The following PTPRD variants were observed in gnomAD, a reference collection of about 807,000 sequenced individuals.
PTPRD encodes the protein protein tyrosine phosphatase receptor type D, also known as receptor-type tyrosine-protein phosphatase delta.
PTPRD carries 34 observed loss-of-function variants against 214.5 expected under a neutral mutation model. The observed-to-expected ratio is 0.16, with a 90% CI of 0.12 to 0.21. PTPRD has a LOEUF of 0.21. Ranked by LOEUF, PTPRD falls within the 10% of genes least tolerant of loss-of-function variation. The probability of loss-of-function intolerance (pLI) is 1.00; values close to 1 mark genes in which losing one functional copy is unlikely to be tolerated. For missense variants in PTPRD, 2,545 were observed against 2,398.7 expected (o/e 1.06, Z -1.27); for synonymous variants, 1,128 against 845.7 (o/e 1.33, Z -5.79).
At chr9:9,658,506 T>C (rs2096563725) in intron 7 of PTPRD, among the ~76,000 whole-genome samples, 1 of 152,110 alleles carries the variant, frequency 6.6e-6, no homozygotes, top group Non-Finnish European at 1.5e-5. Context: ...GTAGTAGGAG[T>C]TTGATAACTG....
Position 8,899,971 on chromosome 9 carries a change from A to G in PTPRD, c.-104+118726T>C, listed in dbSNP as rs143869944. On this transcript the variant is annotated intron_variant, in intron 11 of 45. Transcript: ENST00000381196. ...AAAACAAATCCAAATTATTCCAAAC[A>G]TGCTTGAACACATCTTCTTTTTGAG... Among the ~76,000 whole-genome samples, 11 of 152,320 alleles carry G rather than the reference A, an allele frequency of 7.2e-5. No homozygotes were observed. In the East Asian group the frequency reaches 2.1e-3, roughly 29 times the overall value.
At chr9:8,599,523 G>C (rs942704746) in intron 14 of PTPRD, among the ~76,000 whole-genome samples, 2 of 149,830 alleles carry the variant, frequency 1.3e-5, no homozygotes, top group Non-Finnish European at 3.0e-5. Context: ...AAAGTAGAAA[G>C]TTACAAAACA....
chr9:9,939,521 G>A (rs1025132378), intron 4 of PTPRD, among the ~76,000 whole-genome samples: 91 of 152,194 alleles, frequency 6.0e-4, no homozygotes, highest in African/African-American at 2.2e-3. Context: ...CTGCTTATCT[G>A]AATCTTCAAA....
chr9:9,974,158 T>C (rs2095263502), intron 4 of PTPRD, among the ~76,000 whole-genome samples: 1 of 152,240 alleles, frequency 6.6e-6, no homozygotes. Flanking sequence ...TTCTATTCTA[T>C]GTATCAGAGA....
At chr9:10,118,668 T>A (rs559956619) in intron 3 of PTPRD, among the ~76,000 whole-genome samples, 11 of 151,618 alleles carry the variant, frequency 7.3e-5, no homozygotes, top group African/African-American at 2.4e-4. Context: ...AAATGTAATA[T>A]AATATAAAAA....
intron 2 of PTPRD, among the ~76,000 whole-genome samples, chr9:10,410,798 A>G (rs142644602): frequency 6.6e-6 from 1 of 151,802 alleles, no homozygotes; most frequent in Non-Finnish European, 1.5e-5. Flanking sequence ...GGAAATGCCA[A>G]AACCAACTAA....
chr9:8,812,986 CT>C (rs2096842523), intron 11 of PTPRD, among the ~76,000 whole-genome samples: 1 of 152,014 alleles, frequency 6.6e-6, no homozygotes, highest in Admixed American at 6.6e-5. Flanking sequence ...TTTTACAAAG[CT>C]TTTGCTTCCG....
At chr9:9,673,590 C>G (rs2096871412) in intron 7 of PTPRD, among the ~76,000 whole-genome samples, 1 of 151,278 alleles carries the variant, frequency 6.6e-6, no homozygotes, top group Non-Finnish European at 1.5e-5. Flanking sequence ...GCATTAAGGA[C>G]TCTTGATATA....
At chr9:9,981,783 C>G (rs1171268728) in intron 4 of PTPRD, among the ~76,000 whole-genome samples, 1 of 152,118 alleles carries the variant, frequency 6.6e-6, no homozygotes, top group African/African-American at 2.4e-5. Context: ...TGACTCGTAT[C>G]ATACTCTATT....
In PTPRD at chr9:9,655,026, G is replaced by C. The variant is rs867560119; in HGVS notation, c.-287+79507C>G. 2.6e-5 allele frequency among the ~76,000 whole-genome samples: 4 copies of C among 151,900 alleles called. No individual in the cohort carries two copies. In the South Asian group the frequency reaches 8.3e-4, roughly 32 times the overall value. Reference sequence around the variant, plus strand: ...ATATAGATATAGATATATAGATATAGATATAGTCTACCTATCTGAAATGTT... The same window carrying C: ...ATATAGATATAGATATATAGATATACATATAGTCTACCTATCTGAAATGTT... On this transcript the variant is annotated intron_variant, in intron 7 of 45. Coordinates refer to ENST00000381196, the MANE Select transcript of PTPRD (RefSeq NM_002839.4).
intron 8 of PTPRD, among the ~76,000 whole-genome samples, chr9:9,451,958 T>C (rs552049166): frequency 6.6e-6 from 1 of 151,414 alleles, no homozygotes; most frequent in African/African-American, 2.4e-5. Flanking sequence ...TCTCTTTGAA[T>C]TTCTAGAAAG....
chr9:8,918,311 G>C (rs1237444944), intron 11 of PTPRD, among the ~76,000 whole-genome samples: 1 of 152,140 alleles, frequency 6.6e-6, no homozygotes, highest in South Asian at 2.1e-4. Flanking sequence ...AAGGGAGACA[G>C]AACAAGCAAA....
intron 11 of PTPRD, among the ~76,000 whole-genome samples, chr9:8,859,422 G>A (rs957311373): frequency 1.3e-5 from 2 of 152,166 alleles, no homozygotes; most frequent in Non-Finnish European, 1.5e-5. Context: ...GTCGGCAGCT[G>A]GAAGCCACCA....
At chr9:10,230,412 C>CTATCTATGTATCTATG (rs56026644) in intron 3 of PTPRD, among the ~76,000 whole-genome samples, 10 of 126,572 alleles carry the variant, frequency 7.9e-5, no homozygotes, top group South Asian at 2.5e-4. Context: ...CTCTATGTAT[C>CTATCTATGTATCTATG]TATCTATGTA....
chr9:8,880,987 G>A (rs950903509), intron 11 of PTPRD, among the ~76,000 whole-genome samples: 4 of 151,960 alleles, frequency 2.6e-5, no homozygotes, highest in African/African-American at 4.8e-5. Context: ...AGCTGGTGTC[G>A]AACTCCTGAG....
intron 8 of PTPRD, among the ~76,000 whole-genome samples, chr9:9,476,077 G>C (rs1569568662): frequency 6.6e-6 from 1 of 152,122 alleles, no homozygotes; most frequent in Non-Finnish European, 1.5e-5. Flanking sequence ...TTGAAGTTGA[G>C]AATCCAAAAA....
At chr9:9,173,892 G>T (rs78466061) in intron 10 of PTPRD, among the ~76,000 whole-genome samples, 2,205 of 152,122 alleles carry the variant, frequency 0.014, 57 homozygotes, top group African/African-American at 0.052. Context: ...AATATCTGCA[G>T]TGTCTGGCCC....
In PTPRD at chr9:9,129,598, G is replaced by C. The variant is rs116070078; in HGVS notation, c.-143+53706C>G. Reference sequence around the variant, plus strand: ...GATTTACAAATTTTATATCACTATAGGTAATATGCTACCCCTTAAGTGGTA... The same window carrying C: ...GATTTACAAATTTTATATCACTATACGTAATATGCTACCCCTTAAGTGGTA... On this transcript the variant is annotated intron_variant, in intron 10 of 45. Transcript: ENST00000381196. Among the ~76,000 whole-genome samples the C allele has an allele frequency of 2.5e-3, 385 of 152,104 alleles. 3 individuals are homozygous for C. The highest frequency in any genetic ancestry group is 8.6e-3 in the African/African-American group (356 of 41,470).
chr9:9,520,233 T>C (rs2096933938), intron 8 of PTPRD, among the ~76,000 whole-genome samples: 2 of 148,836 alleles, frequency 1.3e-5, no homozygotes, highest in South Asian at 4.2e-4. Flanking sequence ...ATAATTTTTT[T>C]GTATTTAAAT....
Sources: allele counts gnomAD v4.1 joint callset (sites outside exome capture counted in the v4.1 genomes callset), GRCh38; gene constraint gnomAD v4.1.1; transcripts MANE v1.5; gene names NCBI Gene and HGNC (gene_info 2026-07-23, HGNC 2026-07-21).